The following SLC38A4 variants were observed in gnomAD, a reference collection of about 807,000 sequenced individuals.
SLC38A4 encodes solute carrier family 38 member 4.
A neutral mutation model predicts 63.1 loss-of-function variants in SLC38A4; 20 were observed. The ratio of observed to expected loss-of-function variants is 0.32; its 90% CI spans 0.22 to 0.46. The LOEUF is 0.46. SLC38A4 is among the 20% of genes least tolerant of loss of function. The pLI is 1.00. For missense variants in SLC38A4, 526 were observed against 663.6 expected (o/e 0.79, Z 2.28); for synonymous variants, 230 against 225.5 (o/e 1.02, Z -0.18).
At chr12:46,802,644 C>G (rs535513658) in intron 2 of SLC38A4, among the ~76,000 whole-genome samples, 1 of 152,080 alleles carries the variant, frequency 6.6e-6, no homozygotes, top group African/African-American at 2.4e-5. Flanking sequence ...GGATCTTGAA[C>G]TATAAACTAA....
intron 16 of SLC38A4, among the ~76,000 whole-genome samples, chr12:46,767,348 C>T (rs1281611564): frequency 6.6e-6 from 1 of 152,024 alleles, no homozygotes; most frequent in Non-Finnish European, 1.5e-5. Context: ...AGAGGCCTTA[C>T]ATTTTATCAC....
chr12:46,817,112 A>T (rs543306271), intron 1 of SLC38A4, among the ~76,000 whole-genome samples: 1 of 151,334 alleles, frequency 6.6e-6, no homozygotes, highest in Admixed American at 6.6e-5. Context: ...AAATAAAAGT[A>T]AAAAAAAATC....
intron 15 of SLC38A4, among the ~76,000 whole-genome samples, 157 bp downstream of exon 15, chr12:46,769,127 C>G (rs1216948850): frequency 1.3e-5 from 2 of 152,062 alleles, no homozygotes; most frequent in Admixed American, 6.6e-5. Context: ...GAGGAAGAGA[C>G]AGTGAGCAGC....
At position 46,819,293 on chromosome 12, in the gene SLC38A4, G is replaced by A. The variant is rs369067687; in HGVS notation, c.-305+6610C>T. Among the ~76,000 whole-genome samples the A allele has an allele frequency of 1.6e-4, 24 of 151,562 alleles. No homozygotes were observed. The South Asian group carries it at 4.4e-3, about 28-fold the overall frequency. On this transcript the variant is annotated intron_variant, in intron 1 of 16. Transcript: ENST00000266579. ...TTGGATTCTGATTCAAACTAACTAA[G>A]GGGAGGGAGGGGGAGAGAGAGAGAG...
chr12:46,827,135 C>G (rs1939668939), upstream of SLC38A4, among the ~76,000 whole-genome samples: 1 of 152,142 alleles, frequency 6.6e-6, no homozygotes, highest in Admixed American at 6.5e-5. Context: ...GCAGAAATAG[C>G]CAACAAGAAA....
intron 6 of SLC38A4, among the ~76,000 whole-genome samples, chr12:46,784,868 C>G (rs1292178632): frequency 6.6e-6 from 1 of 152,092 alleles, no homozygotes; most frequent in Non-Finnish European, 1.5e-5. Context: ...ACAGTTATTT[C>G]TATCATATAT....
intron 1 of SLC38A4, among the ~76,000 whole-genome samples, chr12:46,817,283 A>G (rs11183619): frequency 0.18 from 27,122 of 151,704 alleles, 3,835 homozygotes; most frequent in African/African-American, 0.4. Flanking sequence ...CACATACCAG[A>G]GGAAATGTTT....
chr12:46,784,825 T>G (rs1426682700), intron 6 of SLC38A4, among the ~76,000 whole-genome samples, 191 bp from the exon 7 acceptor site: 3 of 152,252 alleles, frequency 2.0e-5, no homozygotes, highest in East Asian at 3.9e-4. Context: ...AATCAATGGT[T>G]TTATTTATTT....
intron 2 of SLC38A4, among the ~76,000 whole-genome samples, chr12:46,793,807 T>A (rs1029152619): frequency 3.3e-5 from 5 of 152,304 alleles, no homozygotes; most frequent in Non-Finnish European, 5.9e-5. Flanking sequence ...TTACTCATCA[T>A]CTGTGTCAAA....
chr12:46,810,260 T>G (rs1439433401), intron 1 of SLC38A4, among the ~76,000 whole-genome samples: 2 of 151,912 alleles, frequency 1.3e-5, no homozygotes, highest in African/African-American at 4.8e-5. Context: ...AATGGTGAAA[T>G]AGAAAATCTA....
intron 1 of SLC38A4, among the ~76,000 whole-genome samples, chr12:46,806,490 G>A (rs1005914419): frequency 2.0e-5 from 3 of 151,944 alleles, no homozygotes; most frequent in African/African-American, 7.2e-5. Context: ...CTGATAGTTT[G>A]GGTTTGGTGA....
In SLC38A4 at chr12:46,769,354, AG is replaced by A; in HGVS notation, c.1373del (p.Ala458ValfsTer17). On this transcript the variant is annotated frameshift_variant, in exon 15 of 17. Coordinates refer to ENST00000266579, the MANE Select transcript of SLC38A4 (RefSeq NM_018018.5). LOFTEE classifies it high-confidence loss of function. ...GAACATTATTAAGTGCAATAAGCAC[AG>A]CTGCAATCAGGAAATGTCGTATCCA... is the stretch of plus-strand genomic sequence containing the variant. ...FSWIRHFLIA[A>X]VLIALNNVLV... 1 of 1,613,520 alleles carries A rather than the reference AG, an allele frequency of 6.2e-7. No individual in the cohort carries two copies. Among genetic ancestry groups the A allele is most frequent in the Non-Finnish European group, 8.5e-7 (1 of 1,179,568 alleles).
At chr12:46,766,941 C>T (rs915388428) in intron 16 of SLC38A4, 139 bp from the exon 17 acceptor site, 3 of 582,186 alleles carry the variant, frequency 5.2e-6, no homozygotes, top group Admixed American at 3.0e-5. Context: ...CCAGGCCTAA[C>T]CTATCAGTCA....
intron 2 of SLC38A4, among the ~76,000 whole-genome samples, chr12:46,794,189 A>G (rs2465587): frequency 0.013 from 1,945 of 152,250 alleles, 20 homozygotes; most frequent in South Asian, 0.054. Flanking sequence ...TATTCCTCTG[A>G]CAAACAGAAA....
At chr12:46,806,308 C>T (rs186663559) in intron 1 of SLC38A4, among the ~76,000 whole-genome samples, 1 of 152,054 alleles carries the variant, frequency 6.6e-6, no homozygotes, top group Admixed American at 6.6e-5. Flanking sequence ...TGGAATAGTA[C>T]AGACTGCAAA....
At chr12:46,804,220 C>T (rs1939185999) in intron 1 of SLC38A4, among the ~76,000 whole-genome samples, 1 of 151,830 alleles carries the variant, frequency 6.6e-6, no homozygotes, top group African/African-American at 2.4e-5. Flanking sequence ...TTGGAAATCA[C>T]AGGCCAATAT....
At chr12:46,828,375 G>T (rs1418436942), upstream of SLC38A4, among the ~76,000 whole-genome samples, 4 of 152,172 alleles carry the variant, frequency 2.6e-5, no homozygotes, top group African/African-American at 4.8e-5. Context: ...AGGCTGGAGT[G>T]CAGTGGCATG....
At chr12:46,781,687 G>C (rs80298832) in intron 7 of SLC38A4, among the ~76,000 whole-genome samples, 3 of 151,924 alleles carry the variant, frequency 2.0e-5, no homozygotes, top group African/African-American at 7.2e-5. Context: ...GTGATGTTAC[G>C]ATATTTCATC....
upstream of SLC38A4, among the ~76,000 whole-genome samples, chr12:46,827,978 G>T (rs1939682153): frequency 6.6e-6 from 1 of 152,110 alleles, no homozygotes; most frequent in African/African-American, 2.4e-5. Flanking sequence ...CAGGGGAGGG[G>T]CAGAGCTAAG....
Sources: allele counts gnomAD v4.1 joint callset (sites outside exome capture counted in the v4.1 genomes callset), GRCh38; gene constraint gnomAD v4.1.1; transcripts MANE v1.5; gene names NCBI Gene and HGNC (gene_info 2026-07-23, HGNC 2026-07-21).